TRPS1: variants seen among roughly 807,000 people sequenced by gnomAD.
TRPS1 encodes the protein transcriptional repressor GATA binding 1.
In TRPS1, 6 loss-of-function variants were observed where a neutral mutation model predicts 101.2. The ratio of observed to expected loss-of-function variants is 0.06; its 90% CI spans 0.03 to 0.12. The LOEUF (loss-of-function observed/expected upper bound fraction) is 0.12, where lower values mean the gene tolerates loss of function less well. Ranked by LOEUF, TRPS1 falls within the 10% of genes least tolerant of loss-of-function variation. The pLI, the probability that TRPS1 is intolerant of heterozygous loss-of-function variation, is 1.00. For synonymous variants in TRPS1, 578 were observed against 589.8 expected (o/e 0.98, Z 0.29); for missense variants, 1,363 against 1,567.0 (o/e 0.87, Z 2.20).
intron 5 of TRPS1, among the ~76,000 whole-genome samples, chr8:115,527,199 T>G (rs1816019515): frequency 6.6e-6 from 1 of 152,084 alleles, no homozygotes; most frequent in Non-Finnish European, 1.5e-5. Context: ...TTTTTCATTC[T>G]GACTCCGCCT....
chr8:115,579,019 C>T (rs1362673788), intron 5 of TRPS1, among the ~76,000 whole-genome samples: 14 of 151,938 alleles, frequency 9.2e-5, no homozygotes, highest in Admixed American at 9.2e-4. Context: ...TTAATGTCTG[C>T]CATTATAAGC....
intron 1 of TRPS1, among the ~76,000 whole-genome samples, chr8:115,655,919 T>A (rs2130618866): frequency 6.6e-6 from 1 of 152,144 alleles, no homozygotes; most frequent in African/African-American, 2.4e-5. Context: ...GACCAAACAT[T>A]TTGGCAAAAT....
rs150284980 is a variant in TRPS1 at position 115,495,617 on chromosome 8, G to A, written c.2701-77165C>T. ...GACTGAAAACTACTTATTTACACTA[G>A]AGGGTGACTGCACATGAAAATAGGA... On this transcript the variant is annotated intron_variant, in intron 5 of 6. Transcript: ENST00000395715. Among the ~76,000 whole-genome samples the A allele has an allele frequency of 2.5e-3, 382 of 151,744 alleles. 5 individuals carry two copies. The highest frequency in any genetic ancestry group is 3.7e-3 in the Non-Finnish European group (250 of 67,932).
At position 115,410,220 on chromosome 8, in the gene TRPS1, T is replaced by G. The variant is rs944038827; in HGVS notation, c.*3803A>C. On this transcript the variant is annotated 3_prime_UTR_variant, in exon 7 of 7. Transcript: ENST00000395715. ...AGACTCTTCAGTTTATTAAGAAAAA[T>G]GTATTTCCTCAGGCATTTTAAAATA... 1.3e-5 allele frequency: 2 copies of G among 152,330 alleles called. No individual in the cohort carries two copies. The highest frequency in any genetic ancestry group is 4.8e-5 in the African/African-American group (2 of 41,428). 9.4% of individuals were successfully genotyped at this position (152,330 alleles called of 1,614,324 possible).
intron 4 of TRPS1, among the ~76,000 whole-genome samples, chr8:115,591,355 C>T (rs1387239846): frequency 6.6e-6 from 1 of 151,952 alleles, no homozygotes; most frequent in Non-Finnish European, 1.5e-5. Flanking sequence ...GAATAGGGGT[C>T]GCTTAAGAAT....
intron 3 of TRPS1, among the ~76,000 whole-genome samples, chr8:115,616,685 T>C (rs1243824259): frequency 1.3e-5 from 2 of 152,242 alleles, no homozygotes; most frequent in Admixed American, 6.5e-5. Flanking sequence ...ATTCCTAAAA[T>C]TGAACGATTG....
Position 115,619,350 on chromosome 8 carries a change from T to C in TRPS1, c.748A>G (p.Thr250Ala), listed in dbSNP as rs775547409. 6.2e-7 allele frequency: 1 copy of C among 1,614,212 alleles called. No individual in the cohort carries two copies. The highest frequency in any genetic ancestry group is 1.1e-5 in the South Asian group (1 of 91,084). Residue 250 changes from threonine (T) to alanine (A), a missense_variant, in exon 3 of 7, where the codon ACA becomes GCA. Coordinates refer to ENST00000395715, the MANE Select transcript of TRPS1 (RefSeq NM_014112.5). ...CGYGYYGNDP[T>A]DLIKHFRKYH... ...TTTCGGAAGTGCTTAATCAGATCTG[T>C]GGGGTCGTTGCCGTAGTAACCATAT...
chr8:115,549,670 T>C (rs568118896), intron 5 of TRPS1, among the ~76,000 whole-genome samples: 129 of 136,972 alleles, frequency 9.4e-4, no homozygotes, highest in South Asian at 2.6e-3. Context: ...TAATACTCTA[T>C]TAAAAAAAAA....
At chr8:115,663,216 C>T (rs1370630787) in intron 1 of TRPS1, among the ~76,000 whole-genome samples, 1 of 150,638 alleles carries the variant, frequency 6.6e-6, no homozygotes, top group Non-Finnish European at 1.5e-5. Context: ...CAGAGCCTTT[C>T]TTCCTCAGGC....
intron 1 of TRPS1, chr8:115,667,893 T>C (rs1431264202): frequency 3.9e-6 from 6 of 1,535,384 alleles, no homozygotes; most frequent in Non-Finnish European, 5.2e-6. Context: ...TGCTGGTGCC[T>C]AGTCTGCGCC....
intron 5 of TRPS1, chr8:115,492,306 G>A (rs1815043358): frequency 8.8e-6 from 4 of 453,896 alleles, no homozygotes; most frequent in Non-Finnish European, 1.8e-5. Flanking sequence ...AACTAGATAT[G>A]TTTTCAGGAG....
At chr8:115,630,892 T>G (rs1408415077) in intron 1 of TRPS1, among the ~76,000 whole-genome samples, 4 of 151,998 alleles carry the variant, frequency 2.6e-5, no homozygotes, top group Non-Finnish European at 5.9e-5. Context: ...AGTTAACCAA[T>G]GCAAAAAGTG....
intron 5 of TRPS1, among the ~76,000 whole-genome samples, chr8:115,578,250 A>G (rs1817365979): frequency 6.6e-6 from 1 of 152,174 alleles, no homozygotes. Flanking sequence ...TAATCCTTAA[A>G]TATTTCTAGG....
chr8:115,433,938 A>G (rs1257102653), intron 5 of TRPS1, among the ~76,000 whole-genome samples: 3 of 151,626 alleles, frequency 2.0e-5, no homozygotes, highest in Non-Finnish European at 4.4e-5. Context: ...AGCAGTGTCT[A>G]TTTTGCTCAG....
At chr8:115,537,949 C>A (rs768841170) in intron 5 of TRPS1, among the ~76,000 whole-genome samples, 6 of 152,196 alleles carry the variant, frequency 3.9e-5, no homozygotes, top group Non-Finnish European at 5.9e-5. Context: ...CCACAAGATA[C>A]ATCACTGTAA....
Position 115,587,563 on chromosome 8 carries a change from G to A in TRPS1, c.2138C>T (p.Thr713Ile), listed in dbSNP as rs1224411647. 6.2e-7 allele frequency: 1 copy of A among 1,614,176 alleles called. No homozygotes were observed. Among genetic ancestry groups the A allele is most frequent in the Non-Finnish European group, 8.5e-7 (1 of 1,180,016 alleles). ...CAGTAGTGACTGAGTATCGGCAGCT[G>A]TAAAACTGCACTGACGGCATTTGTA... ...SCYKCRQCSF[T>I]AADTQSLLEH... The change falls in exon 5 of 7, where the codon ACA becomes ATA. Residue 713 changes from threonine (T) to isoleucine (I), a missense_variant. Thr to Ile is a moderately conservative substitution (Grantham distance 89). Transcript: ENST00000395715.
chr8:115,438,669 T>G (rs1471498916), intron 5 of TRPS1, among the ~76,000 whole-genome samples: 4 of 152,180 alleles, frequency 2.6e-5, no homozygotes, highest in African/African-American at 9.6e-5. Context: ...TTCATCTTTC[T>G]CCAGATGGTC....
intron 5 of TRPS1, among the ~76,000 whole-genome samples, chr8:115,503,839 T>A (rs1490774034): frequency 1.3e-5 from 2 of 152,314 alleles, no homozygotes; most frequent in East Asian, 3.9e-4. Context: ...ATGGTATAAT[T>A]CAAACCATCA....
chr8:115,480,847 C>T (rs1162936298), intron 5 of TRPS1, among the ~76,000 whole-genome samples: 1 of 152,042 alleles, frequency 6.6e-6, no homozygotes, highest in Non-Finnish European at 1.5e-5. Context: ...TGTAATTTTT[C>T]ATGCTAATGA....
Sources: gnomAD v4.1 joint callset for allele counts (sites outside exome capture counted in the v4.1 genomes callset) on GRCh38, gnomAD v4.1.1 for gene constraint, MANE v1.5 for transcripts, NCBI Gene and HGNC (gene_info 2026-07-23, HGNC 2026-07-21) for gene names.